Variants in FHOD3 observed in about 807,000 individuals in gnomAD.
FHOD3 encodes the protein formin homology 2 domain containing 3.
Under a neutral mutation model 173.0 loss-of-function variants are expected in FHOD3, and 90 were observed. The observed-to-expected ratio is 0.52, with a 90% confidence interval of 0.44 to 0.62. The LOEUF is 0.62. Among genes scored for constraint, FHOD3 ranks in the 20% least tolerant of loss-of-function variants. The pLI is 0.00. For missense variants in FHOD3, 1,945 were observed against 2,034.7 expected (o/e 0.96, Z 0.85); for synonymous variants, 828 against 823.0 (o/e 1.01, Z -0.10).
chr18:36,429,759 G>A (rs2050434752), intron 3 of FHOD3, among the ~76,000 whole-genome samples: 1 of 152,170 alleles, frequency 6.6e-6, no homozygotes, highest in Non-Finnish European at 1.5e-5. Flanking sequence ...CACTTCTTTG[G>A]GGAGAGGCCT....
intron 10 of FHOD3, among the ~76,000 whole-genome samples, chr18:36,629,527 A>G (rs2034356071): frequency 6.6e-6 from 1 of 152,198 alleles, no homozygotes; most frequent in African/African-American, 2.4e-5. Flanking sequence ...GGTTGGGGGA[A>G]ATTGGCAAAG....
intron 3 of FHOD3, among the ~76,000 whole-genome samples, chr18:36,426,366 A>G (rs1482485055): frequency 1.3e-5 from 2 of 152,172 alleles, no homozygotes; most frequent in African/African-American, 2.4e-5. Flanking sequence ...TGCAGAGCCC[A>G]TGCCTTCATG....
intron 24 of FHOD3, 99 bp downstream of exon 24, chr18:36,747,234 T>C: frequency 1.1e-6 from 1 of 943,908 alleles, no homozygotes; most frequent in South Asian, 2.0e-5. Flanking sequence ...ACAGATTTTT[T>C]GTACATTCTT....
chr18:36,670,018 T>C (rs979953146), intron 14 of FHOD3, among the ~76,000 whole-genome samples: 2 of 151,018 alleles, frequency 1.3e-5, no homozygotes, highest in Non-Finnish European at 3.0e-5. Context: ...AATTATAAGT[T>C]GATAGCGTTT....
intron 28 of FHOD3, among the ~76,000 whole-genome samples, chr18:36,770,795 C>CCA (rs1187021842): frequency 1.3e-5 from 2 of 152,070 alleles, no homozygotes; most frequent in Non-Finnish European, 2.9e-5. Flanking sequence ...TGGGCTGCAC[C>CCA]CACACACACT....
chr18:36,729,964 C>T (rs149283633), intron 19 of FHOD3, among the ~76,000 whole-genome samples: 172 of 152,328 alleles, frequency 1.1e-3, no homozygotes, highest in Non-Finnish European at 1.9e-3. Flanking sequence ...TGCTCTCCTT[C>T]TAGGCCTCTA....
At chr18:36,579,020 C>A (rs180936618) in intron 6 of FHOD3, among the ~76,000 whole-genome samples, 199 of 152,226 alleles carry the variant, frequency 1.3e-3, no homozygotes, top group African/African-American at 4.7e-3. Flanking sequence ...ATGTAGGTGA[C>A]CTTGGACACT....
At chr18:36,340,491 C>T (rs2045555245) in intron 1 of FHOD3, among the ~76,000 whole-genome samples, 1 of 151,762 alleles carries the variant, frequency 6.6e-6, no homozygotes, top group Admixed American at 6.5e-5. Flanking sequence ...ATGTTATAGT[C>T]TGTGTCTCAC....
intron 10 of FHOD3, among the ~76,000 whole-genome samples, chr18:36,647,592 C>T (rs1462375023): frequency 6.6e-6 from 1 of 152,070 alleles, no homozygotes; most frequent in East Asian, 1.9e-4. Context: ...AATTTCATCC[C>T]AAGATATAGT....
chr18:36,547,274 C>T, intron 5 of FHOD3, among the ~76,000 whole-genome samples: 1 of 152,212 alleles, frequency 6.6e-6, no homozygotes, highest in East Asian at 1.9e-4. Context: ...AAAGTTTCTC[C>T]TTCCCATCTC....
intron 5 of FHOD3, among the ~76,000 whole-genome samples, chr18:36,555,495 T>C (rs2057841608): frequency 6.6e-6 from 1 of 152,104 alleles, no homozygotes; most frequent in Non-Finnish European, 1.5e-5. Context: ...GAGTAGAATG[T>C]ATATTCTGTT....
chr18:36,364,092 G>A lies in FHOD3; in HGVS notation c.272+8447G>A, dbSNP rs73949452. 2.9e-3 allele frequency among the ~76,000 whole-genome samples: 438 copies of A among 152,132 alleles called. 4 individuals carry two copies. The highest frequency in any genetic ancestry group is 0.01 in the African/African-American group (417 of 41,478). ...CCTTAGGATCTGGCTTTTGTCTTTC[G>A]TGTTTCATCATAGTTACAATGCAGC... On this transcript the variant is annotated intron_variant, in intron 2 of 28. Coordinates refer to ENST00000590592, the MANE Select transcript of FHOD3 (RefSeq NM_001281740.3).
At chr18:36,720,091 T>C (rs969196314) in intron 19 of FHOD3, among the ~76,000 whole-genome samples, 17 of 152,162 alleles carry the variant, frequency 1.1e-4, no homozygotes, top group African/African-American at 3.9e-4. Context: ...TGTCCTTCAG[T>C]TGAAAGTAGA....
At chr18:36,396,798 T>G (rs1026347354) in intron 3 of FHOD3, among the ~76,000 whole-genome samples, 1 of 152,190 alleles carries the variant, frequency 6.6e-6, no homozygotes, top group Non-Finnish European at 1.5e-5. Context: ...TGTATGAAAT[T>G]TGACCTTGAT....
chr18:36,574,158 T>A (rs2058561579), intron 5 of FHOD3, among the ~76,000 whole-genome samples: 1 of 152,204 alleles, frequency 6.6e-6, no homozygotes, highest in Non-Finnish European at 1.5e-5. Context: ...GCTAAATACA[T>A]GGTAACTTTA....
chr18:36,650,904 T>G (rs1481317062), intron 11 of FHOD3, among the ~76,000 whole-genome samples: 1 of 152,232 alleles, frequency 6.6e-6, no homozygotes, highest in African/African-American at 2.4e-5. Flanking sequence ...CTCCACAAAG[T>G]GATGCCAGAG....
chr18:36,534,537 C>T (rs1450920031), intron 5 of FHOD3, among the ~76,000 whole-genome samples: 2 of 151,840 alleles, frequency 1.3e-5, no homozygotes, highest in Non-Finnish European at 2.9e-5. Context: ...GATAGGGTCG[C>T]ACTCTGTCGC....
chr18:36,418,252 TA>T (rs2049780185), intron 3 of FHOD3, among the ~76,000 whole-genome samples: 1 of 152,194 alleles, frequency 6.6e-6, no homozygotes, highest in African/African-American at 2.4e-5. Flanking sequence ...TAGATGTCCA[TA>T]ACAGCTTCAC....
At position 36,326,428 on chromosome 18, in the gene FHOD3, A is replaced by G. The variant is rs549917069; in HGVS notation, c.165+28428A>G. ...ATTCTATTCACTGAATTAACAGACA[A>G]TATGTTTAAATGGTGTAGACTTTTT... On this transcript the variant is annotated intron_variant, in intron 1 of 28. Transcript: ENST00000590592. Among the ~76,000 whole-genome samples, 14 of 152,312 alleles carry G rather than the reference A, an allele frequency of 9.2e-5. No homozygotes were observed. The South Asian group carries it at 2.7e-3, about 29-fold the overall frequency.
Sources: gnomAD v4.1 joint callset for allele counts (sites outside exome capture counted in the v4.1 genomes callset) on GRCh38, gnomAD v4.1.1 for gene constraint, MANE v1.5 for transcripts, NCBI Gene and HGNC (gene_info 2026-07-23, HGNC 2026-07-21) for gene names.